Variants in EVI5L observed in about 807,000 individuals in gnomAD.
EVI5L encodes the protein EVI5-like protein.
EVI5L carries 30 observed loss-of-function variants against 106.1 expected under a neutral mutation model. The ratio of observed to expected loss-of-function variants is 0.28; its 90% confidence interval spans 0.21 to 0.38. The LOEUF (loss-of-function observed/expected upper bound fraction) is 0.38, where lower values mean the gene tolerates loss of function less well. Ranked by LOEUF, EVI5L falls within the 10% of genes least tolerant of loss-of-function variation. The pLI, the probability that EVI5L is intolerant of heterozygous loss-of-function variation, is 1.00. For synonymous variants in EVI5L, 489 were observed against 483.3 expected (o/e 1.01, Z -0.15); for missense variants, 809 against 1,098.0 (o/e 0.74, Z 3.72).
Position 7,862,124 on chromosome 19 carries a change from C to G in EVI5L, c.1647C>G (p.Ala549=). ...QLQELSDTWQ[A]HLARGGRWKE... ...GGCTTCTCGGCTTCACCCCCCAGGC[C>G]CATCTGGCCCGCGGCGGCCGCTGGA... Residue 549 remains alanine, a splice_region_variant and synonymous_variant, in exon 16 of 20, where the codon GCC becomes GCG. Coordinates refer to ENST00000538904, the MANE Select transcript of EVI5L (RefSeq NM_001159944.3). 5 of 1,566,580 alleles carry G rather than the reference C, an allele frequency of 3.2e-6. No individual in the cohort carries two copies. Among genetic ancestry groups the G allele is most frequent in the Non-Finnish European group, 4.3e-6 (5 of 1,160,736 alleles).
At chr19:7,853,542 CA>C in intron 10 of EVI5L, 2 of 644,586 alleles carry the variant, frequency 3.1e-6, no homozygotes, top group Non-Finnish European at 5.3e-6. Context: ...CCGCGGTAAC[CA>C]AGACAGTCAA....
Position 7,863,259 on chromosome 19 carries a change from G to A in EVI5L, c.2118G>A (p.Gln706=). The A allele has an allele frequency of 1.3e-6, 2 of 1,559,188 alleles. No individual in the cohort carries two copies. The highest frequency in any genetic ancestry group is 1.7e-6 in the Non-Finnish European group (2 of 1,151,676). ...AGTACATCCGCGAGCTCAAGGACCA[G>A]ATCGAGGAGCTGAAGGCCGAGGTGA... ...SSQYIRELKD[Q]IEELKAEVRL... Residue 706 remains glutamine, a synonymous_variant, in exon 19 of 20, where the codon CAG becomes CAA. Transcript: ENST00000538904. This position sits in a 1 kb window ranked among gnomAD's most constrained non-coding sequence, Gnocchi z 7.7.
At chr19:7,837,270 G>A (rs1978378695) in intron 1 of EVI5L, among the ~76,000 whole-genome samples, 1 of 152,032 alleles carries the variant, frequency 6.6e-6, no homozygotes, top group Non-Finnish European at 1.5e-5. Context: ...GGTGGAGGTT[G>A]CAGTGAGCCG....
intron 1 of EVI5L, among the ~76,000 whole-genome samples, chr19:7,836,713 A>G (rs1487506314): frequency 2.0e-5 from 3 of 151,662 alleles, no homozygotes; most frequent in Admixed American, 2.0e-4. Flanking sequence ...ATTTCAGCTC[A>G]CCGCAACCTC....
At position 7,856,846 on chromosome 19, in the gene EVI5L, A is replaced by T. The variant is rs1599576350; in HGVS notation, c.1201-246A>T. ...TTCCCAGCCCTGCGGCCTCCCCCAC[A>T]GCCGCGGGCACCCCCGACCTCCCCG... On this transcript the variant is annotated intron_variant, in intron 11 of 19. Coordinates refer to ENST00000538904, the MANE Select transcript of EVI5L (RefSeq NM_001159944.3). This position sits in a 1 kb window ranked among gnomAD's most constrained non-coding sequence, Gnocchi z 6.6. 14 of 678,788 alleles carry T rather than the reference A, an allele frequency of 2.1e-5. No homozygotes were observed. In the East Asian group the frequency reaches 3.8e-4, roughly 19 times the overall value. The allele number at this position is 678,788 out of a possible 1,614,324, so 42.0% of individuals were successfully genotyped here.
chr19:7,861,102 G>A (rs1979779629), intron 14 of EVI5L, among the ~76,000 whole-genome samples: 1 of 152,138 alleles, frequency 6.6e-6, no homozygotes, highest in Non-Finnish European at 1.5e-5. Flanking sequence ...CTCTGACTTG[G>A]CATCGACTCC....
intron 8 of EVI5L, 66 bp from the exon 9 acceptor site, chr19:7,853,020 C>A (rs1979332975): frequency 9.6e-6 from 15 of 1,559,606 alleles, no homozygotes; most frequent in Non-Finnish European, 1.2e-5. Context: ...GGCAACAGGG[C>A]TCGGGCGGCC....
chr19:7,849,392 C>G, intron 5 of EVI5L, 62 bp downstream of exon 5: 2 of 1,571,096 alleles, frequency 1.3e-6, no homozygotes, highest in Non-Finnish European at 1.7e-6. Flanking sequence ...GCTCGGCCCC[C>G]AAGAGATGGA....
In EVI5L at chr19:7,849,081, C is replaced by T. The variant is rs766964973; in HGVS notation, c.488C>T (p.Pro163Leu). ...CGCAGGGACATCGCCCGCACCTACCCGGAACATGAGTTCTTCAAGGGCCAG... is the reference window on the plus strand; with the variant it reads ...CGCAGGGACATCGCCCGCACCTACCTGGAACATGAGTTCTTCAAGGGCCAG... Reference protein sequence around the residue: ...LIRRDIARTYPEHEFFKGQDS... With the variant: ...LIRRDIARTYLEHEFFKGQDS... The change falls in exon 4 of 20, where the codon CCG (proline) becomes CTG (leucine). Residue 163 changes from proline to leucine, a missense_variant. By Grantham distance (98) the Pro-to-Leu change is moderately conservative. Transcript: ENST00000538904. The T allele has an allele frequency of 6.2e-7, 1 of 1,611,270 alleles. No homozygotes were observed. Among genetic ancestry groups the T allele is most frequent in the Non-Finnish European group, 8.5e-7 (1 of 1,178,876 alleles).
chr19:7,861,845 CT>C (rs2146439752), intron 14 of EVI5L, 32 bp from the exon 15 acceptor site: 1 of 1,549,020 alleles, frequency 6.5e-7, no homozygotes, highest in African/African-American at 1.4e-5. Flanking sequence ...GGCTGCGCTG[CT>C]CCCCCAGGCC....
At chr19:7,847,702 G>T in intron 2 of EVI5L, 30 bp from the exon 3 acceptor site, 1 of 1,601,878 alleles carries the variant, frequency 6.2e-7, no homozygotes, top group Non-Finnish European at 8.5e-7. Context: ...GGGAGTCACT[G>T]GTTCCCCTCT....
rs774642276 is a variant in EVI5L at position 7,863,208 on chromosome 19, C to T, written c.2067C>T (p.Gly689=). 3.8e-6 allele frequency: 6 copies of T among 1,559,520 alleles called. No homozygotes were observed. In the Admixed American group the frequency reaches 9.7e-5, roughly 25 times the overall value. The change falls in exon 19 of 20, where the codon GGC becomes GGT. Residue 689 remains glycine (G), a synonymous_variant. Transcript: ENST00000538904. This position sits in a 1 kb window ranked among gnomAD's most constrained non-coding sequence, Gnocchi z 7.7. ...EIQREEGRIQ[G]QLNHSDSSQY... Reference sequence around the variant, plus strand: ...AGAGGGAGGAAGGCCGCATCCAGGGCCAGCTGAACCACTCGGACTCATCGC... The same window carrying T: ...AGAGGGAGGAAGGCCGCATCCAGGGTCAGCTGAACCACTCGGACTCATCGC...
rs751745479 is a variant in EVI5L, at chr19:7,862,154, G to A, written c.1677G>A (p.Glu559=). The change falls in exon 16 of 20, where the codon GAG becomes GAA. Residue 559 remains glutamate, a synonymous_variant. Coordinates refer to ENST00000538904, the MANE Select transcript of EVI5L (RefSeq NM_001159944.3). ...TGGCCCGCGGCGGCCGCTGGAAGGAGTCCCCACGGAAGCTGGTCGTGGGCG... is the reference window on the plus strand; with the variant it reads ...TGGCCCGCGGCGGCCGCTGGAAGGAATCCCCACGGAAGCTGGTCGTGGGCG... ...AHLARGGRWK[E]SPRKLVVGEL... 2 of 1,576,388 alleles carry A rather than the reference G, an allele frequency of 1.3e-6. No individual in the cohort carries two copies. The highest frequency in any genetic ancestry group is 1.7e-6 in the Non-Finnish European group (2 of 1,166,086).
rs142692522 is a variant in EVI5L, at chr19:7,831,482, A to G, written c.-48+1101A>G. ...GTGCCTGCCGCACCCCAGGAAGCCA[A>G]CTTGCCCCTCCACCAAACCAGCGCC... On this transcript the variant is annotated intron_variant, in intron 1 of 19. Coordinates refer to ENST00000538904, the MANE Select transcript of EVI5L (RefSeq NM_001159944.3). 8.5e-5 allele frequency among the ~76,000 whole-genome samples: 13 copies of G among 152,156 alleles called. 1 individual carries two copies. Among genetic ancestry groups the G allele is most frequent in the Admixed American group, 7.2e-4 (11 of 15,262 alleles).
At chr19:7,851,282 GA>G in intron 6 of EVI5L, 151 bp from the exon 7 acceptor site, 1 of 914,954 alleles carries the variant, frequency 1.1e-6, no homozygotes, top group Non-Finnish European at 1.6e-6. Context: ...GCCTCCCTCA[GA>G]CAGAGTGCTG....
intron 1 of EVI5L, among the ~76,000 whole-genome samples, chr19:7,833,622 T>A (rs1978305496): frequency 6.6e-6 from 1 of 152,200 alleles, no homozygotes; most frequent in Non-Finnish European, 1.5e-5. Context: ...GCAGCAGAAG[T>A]GCTTGGACAC....
chr19:7,846,463 C>A, intron 1 of EVI5L, 33 bp from the exon 2 acceptor site: 1 of 1,512,968 alleles, frequency 6.6e-7, no homozygotes, highest in South Asian at 1.3e-5. Context: ...GGGCTCCCAC[C>A]CAATGCCGAC....
chr19:7,831,203 C>T (rs1386914820), intron 1 of EVI5L, among the ~76,000 whole-genome samples: 1 of 150,622 alleles, frequency 6.6e-6, no homozygotes, highest in East Asian at 2.0e-4. Context: ...CATCCAGAGC[C>T]ACCCATCTTT....
chr19:7,859,865 G>A (rs192615442), intron 13 of EVI5L, among the ~76,000 whole-genome samples: 44 of 152,370 alleles, frequency 2.9e-4, no homozygotes, highest in African/African-American at 8.2e-4. Context: ...CAGAGCCACC[G>A]TCACACGTGG....
Sources: allele counts gnomAD v4.1 joint callset (sites outside exome capture counted in the v4.1 genomes callset), GRCh38; gene constraint gnomAD v4.1.1; non-coding constraint Gnocchi (gnomAD v3.1); transcripts MANE v1.5; gene names NCBI Gene and HGNC (gene_info 2026-07-23, HGNC 2026-07-21).